The following MYOCOS variants were observed in gnomAD, a reference collection of about 807,000 sequenced individuals.
MYOCOS encodes the protein myocilin opposite strand.
At chr1:171,618,214 G>A (rs1379405276), upstream of MYOCOS, among the ~76,000 whole-genome samples, 1 of 152,204 alleles carries the variant, frequency 6.6e-6, no homozygotes, top group Admixed American at 6.5e-5. Flanking sequence ...AGAAGTGAAT[G>A]TCACCTGGGT....
intron 1 of MYOCOS, among the ~76,000 whole-genome samples, chr1:171,612,983 C>T (rs893012374): frequency 1.3e-5 from 2 of 152,264 alleles, no homozygotes; most frequent in South Asian, 4.1e-4. Context: ...TAGAGCTGGG[C>T]CAGAACTCAC....
intron 1 of MYOCOS, among the ~76,000 whole-genome samples, chr1:171,608,887 T>A (rs1652303114): frequency 6.6e-6 from 1 of 151,964 alleles, no homozygotes; most frequent in Non-Finnish European, 1.5e-5. Flanking sequence ...GGGAAATGAG[T>A]CCCTGAGTCC....
intron 1 of MYOCOS, among the ~76,000 whole-genome samples, chr1:171,605,989 C>A (rs1032935278): frequency 1.3e-5 from 2 of 152,126 alleles, no homozygotes; most frequent in Non-Finnish European, 1.5e-5. Flanking sequence ...CATAAATAAT[C>A]AAAGGCAAGT....
chr1:171,603,740 T>C (rs762196304), intron 1 of MYOCOS, among the ~76,000 whole-genome samples: 8 of 152,344 alleles, frequency 5.3e-5, no homozygotes, highest in Middle Eastern at 3.4e-3. Context: ...TAACCCAGAC[T>C]GTAAGGCCCT....
At chr1:171,621,403 T>C (rs1224340845), upstream of MYOCOS, among the ~76,000 whole-genome samples, 1 of 131,436 alleles carries the variant, frequency 7.6e-6, no homozygotes, top group Non-Finnish European at 1.6e-5. Flanking sequence ...TGAGACGTAG[T>C]CTCACTCTGT....
chr1:171,623,585 T>C (rs565298005), intron 1 of MYOCOS, among the ~76,000 whole-genome samples: 2 of 152,232 alleles, frequency 1.3e-5, no homozygotes, highest in South Asian at 2.1e-4. Context: ...CACTGCATGA[T>C]TGGAATAATC....
chr1:171,607,613 C>G (rs1258621633), intron 1 of MYOCOS, among the ~76,000 whole-genome samples: 1 of 152,304 alleles, frequency 6.6e-6, no homozygotes, highest in South Asian at 2.1e-4. Flanking sequence ...TTTCTATTCT[C>G]ATTCTAAGAT....
chr1:171,619,795 C>T (rs902521870), upstream of MYOCOS, among the ~76,000 whole-genome samples: 4 of 146,514 alleles, frequency 2.7e-5, no homozygotes, highest in Admixed American at 2.8e-4. Flanking sequence ...GACACCGCTG[C>T]ATTCCAGCCT....
chr1:171,603,233 TGAGCTTAAGAATTTTCAACCA>T, intron 1 of MYOCOS, among the ~76,000 whole-genome samples: 1 of 152,224 alleles, frequency 6.6e-6, no homozygotes, highest in Non-Finnish European at 1.5e-5. Flanking sequence ...AGGGATGCAG[TGAGCTTAAGAATTTTCAACCA>T]GTCAGCCCTT....
chr1:171,611,426 A>T (rs1652349488), intron 1 of MYOCOS, among the ~76,000 whole-genome samples: 1 of 152,096 alleles, frequency 6.6e-6, no homozygotes, highest in Admixed American at 6.5e-5. Flanking sequence ...ATCTAATAGA[A>T]CTACTCGAAA....
intron 1 of MYOCOS, among the ~76,000 whole-genome samples, chr1:171,608,103 C>A (rs1237783395): frequency 6.6e-6 from 1 of 152,172 alleles, no homozygotes; most frequent in Non-Finnish European, 1.5e-5. Context: ...CAATTATCTC[C>A]CACCGGGTCC....
chr1:171,614,661 G>A (rs1652416889), intron 1 of MYOCOS: 1 of 152,218 alleles, frequency 6.6e-6, no homozygotes, highest in Non-Finnish European at 1.5e-5. Flanking sequence ...CCAGCAGTGG[G>A]GGAACAACTG....
upstream of MYOCOS, among the ~76,000 whole-genome samples, chr1:171,617,633 CAG>C (rs1184202564): frequency 1.3e-5 from 2 of 152,102 alleles, no homozygotes; most frequent in Admixed American, 1.3e-4. Flanking sequence ...GTGGATTTGA[CAG>C]AGAATTGAAG....
intron 1 of MYOCOS, among the ~76,000 whole-genome samples, chr1:171,613,553 T>G (rs1395195284): frequency 2.0e-5 from 3 of 151,902 alleles, no homozygotes; most frequent in African/African-American, 7.3e-5. Context: ...TGCATTTTTT[T>G]TTTGTTTTTG....
intron 2 of MYOCOS, among the ~76,000 whole-genome samples, chr1:171,616,437 G>A (rs1652452581): frequency 6.6e-6 from 1 of 151,412 alleles, no homozygotes; most frequent in South Asian, 2.1e-4. Context: ...CTACTGGGGA[G>A]GCTGAGGCAG....
At chr1:171,604,234 G>A (rs235892) in intron 1 of MYOCOS, 23,024 of 152,042 alleles carry the variant, frequency 0.15, 1,838 homozygotes, top group Middle Eastern at 0.3. Flanking sequence ...ACACCCGGAA[G>A]GTGACTAGTC....
intron 1 of MYOCOS, among the ~76,000 whole-genome samples, chr1:171,612,795 A>C (rs1652379074): frequency 6.6e-6 from 1 of 152,176 alleles, no homozygotes; most frequent in Non-Finnish European, 1.5e-5. Flanking sequence ...GTGCCATTGC[A>C]CTCCAACCTG....
intron 2 of MYOCOS, among the ~76,000 whole-genome samples, chr1:171,615,204 G>C (rs1652424513): frequency 6.6e-6 from 1 of 152,220 alleles, no homozygotes; most frequent in Non-Finnish European, 1.5e-5. Flanking sequence ...GATTGAAAGA[G>C]TGACCAGGAT....
intron 1 of MYOCOS, among the ~76,000 whole-genome samples, chr1:171,622,762 A>T (rs763344383): frequency 6.6e-6 from 1 of 152,174 alleles, no homozygotes; most frequent in Non-Finnish European, 1.5e-5. Flanking sequence ...TTGGGAGATG[A>T]CTTGGCTCTG....
Sources: gnomAD v4.1 joint callset for allele counts (sites outside exome capture counted in the v4.1 genomes callset) on GRCh38, gnomAD v4.1.1 for gene constraint, MANE v1.5 for transcripts, NCBI Gene and HGNC (gene_info 2026-07-23, HGNC 2026-07-21) for gene names.